Variants in SDK1 observed in about 807,000 individuals in gnomAD.
SDK1 encodes the protein protein sidekick-1.
In SDK1, 157 loss-of-function variants were observed where a neutral mutation model predicts 245.5. The observed-to-expected ratio is 0.64, with a 90% CI of 0.56 to 0.73. SDK1 has a LOEUF of 0.73. Ranked by LOEUF, SDK1 falls within the 30% of genes least tolerant of loss-of-function variation. The pLI is 0.00. For synonymous variants in SDK1, 1,647 were observed against 1,278.5 expected (o/e 1.29, Z -6.15); for missense variants, 3,583 against 3,002.3 (o/e 1.19, Z -4.52).
intron 17 of SDK1, among the ~76,000 whole-genome samples, chr7:4,040,109 C>T (rs6462551): frequency 0.22 from 33,463 of 152,058 alleles, 4,882 homozygotes; most frequent in African/African-American, 0.42. Flanking sequence ...GGAGGAAAGA[C>T]TCAAATCTGT....
At chr7:3,672,340 C>G (rs1376511474) in intron 4 of SDK1, among the ~76,000 whole-genome samples, 1 of 151,810 alleles carries the variant, frequency 6.6e-6, no homozygotes, top group Non-Finnish European at 1.5e-5. Context: ...TACTGCACCC[C>G]CAAGTTCTTG....
chr7:4,221,143 T>A, intron 39 of SDK1, 96 bp from the exon 40 acceptor site: 1 of 1,461,190 alleles, frequency 6.8e-7, no homozygotes, highest in Non-Finnish European at 9.3e-7. Context: ...CTCTGCAGCC[T>A]CGACCGGTCT....
intron 1 of SDK1, among the ~76,000 whole-genome samples, chr7:3,501,786 A>T (rs1057456905): frequency 6.6e-5 from 10 of 152,184 alleles, no homozygotes; most frequent in African/African-American, 2.4e-4. Flanking sequence ...ATGGACTATC[A>T]GTATGTTCTC....
At chr7:4,116,167 G>A (rs1269378064) in intron 25 of SDK1, among the ~76,000 whole-genome samples, 1 of 152,188 alleles carries the variant, frequency 6.6e-6, no homozygotes, top group East Asian at 1.9e-4. Context: ...CAGCCTCTGA[G>A]GACAGCTGGA....
At chr7:3,775,968 C>T (rs1015195253) in intron 4 of SDK1, among the ~76,000 whole-genome samples, 5 of 152,218 alleles carry the variant, frequency 3.3e-5, no homozygotes, top group African/African-American at 9.6e-5. Context: ...ATTCTCGAAA[C>T]GAGTGAATCT....
intron 4 of SDK1, among the ~76,000 whole-genome samples, chr7:3,654,382 G>C (rs1783098943): frequency 6.6e-6 from 1 of 152,196 alleles, no homozygotes; most frequent in Non-Finnish European, 1.5e-5. Context: ...TGAGCTCCCT[G>C]TCACCGCGCT....
chr7:4,129,927 A>T lies in SDK1; in HGVS notation c.3959A>T (p.Asp1320Val). Residue 1320 changes from aspartate (D) to valine (V), a missense_variant, in exon 27 of 45, where the codon GAC becomes GTC. Physicochemically the swap from Asp to Val is radical, Grantham distance 152. Transcript: ENST00000404826. The part of the protein sequence containing the change: ...LGYKILFRAK[D>V]LDPEPRSHIV... ...CCACAGATCCTGTTCCGGGCCAAAG[A>T]CCTGGATCCCGAGCCCAGGAGCCAC... 6.2e-7 allele frequency: 1 copy of T among 1,613,642 alleles called. No homozygotes were observed. Among genetic ancestry groups the T allele is most frequent in the Non-Finnish European group, 8.5e-7 (1 of 1,179,894 alleles).
At chr7:3,641,725 G>A (rs1782653554) in intron 3 of SDK1, among the ~76,000 whole-genome samples, 1 of 152,224 alleles carries the variant, frequency 6.6e-6, no homozygotes, top group Non-Finnish European at 1.5e-5. Context: ...AAGACCATGT[G>A]GCTTTGCTGA....
intron 5 of SDK1, among the ~76,000 whole-genome samples, chr7:3,915,056 T>G (rs766019224): frequency 6.6e-6 from 1 of 152,214 alleles, no homozygotes; most frequent in Non-Finnish European, 1.5e-5. Context: ...CAACTGTTGA[T>G]TATTCTCTTG....
chr7:4,218,561 G>A (rs891696296), intron 38 of SDK1, among the ~76,000 whole-genome samples: 3 of 152,208 alleles, frequency 2.0e-5, no homozygotes, highest in African/African-American at 7.2e-5. Context: ...AGATGGACCC[G>A]TTTTGTAGTA....
At chr7:3,346,310 A>C (rs976657792) in intron 1 of SDK1, among the ~76,000 whole-genome samples, 1 of 151,924 alleles carries the variant, frequency 6.6e-6, no homozygotes, top group East Asian at 1.9e-4. Context: ...CTTCACTGAG[A>C]GGTGTCACCT....
Position 3,651,037 on chromosome 7 carries a change from C to T in SDK1, c.713+8932C>T, listed in dbSNP as rs76750639. Reference sequence around the variant, plus strand: ...CTATAAACATTCTTGTTCCTTTTTTCTGTGCATGAACATAAGACTTCATTG... The same window carrying T: ...CTATAAACATTCTTGTTCCTTTTTTTTGTGCATGAACATAAGACTTCATTG... On this transcript the variant is annotated intron_variant, in intron 4 of 44. Transcript: ENST00000404826. 8.2e-3 allele frequency among the ~76,000 whole-genome samples: 1,244 copies of T among 151,688 alleles called. 24 individuals are homozygous for T. The highest frequency in any genetic ancestry group is 0.029 in the African/African-American group (1,188 of 41,366).
rs184604029 is a variant in SDK1 at position 3,385,062 on chromosome 7, G to T, written c.298+83178G>T. Among the ~76,000 whole-genome samples, 28 of 152,224 alleles carry T rather than the reference G, an allele frequency of 1.8e-4. 1 individual carries two copies. Among genetic ancestry groups the T allele is most frequent in the Admixed American group, 1.8e-3 (27 of 15,298 alleles). On this transcript the variant is annotated intron_variant, in intron 1 of 44. Transcript: ENST00000404826. ...AACATCAAACACAAACAGTTTGTCA[G>T]TACTGTTTCAATATTAAGTCTGTCA...
chr7:4,033,788 G>C (rs1032811728), intron 17 of SDK1, among the ~76,000 whole-genome samples: 1 of 152,128 alleles, frequency 6.6e-6, no homozygotes, highest in Non-Finnish European at 1.5e-5. Flanking sequence ...GCAAAAGTCT[G>C]ACAATACTCT....
chr7:3,466,622 C>T (rs1041092251), intron 1 of SDK1, among the ~76,000 whole-genome samples: 1 of 151,146 alleles, frequency 6.6e-6, no homozygotes, highest in Non-Finnish European at 1.5e-5. Flanking sequence ...GTTCCATATC[C>T]ATGTTTCATG....
chr7:3,537,105 T>C (rs1778910707), intron 1 of SDK1, among the ~76,000 whole-genome samples: 1 of 152,220 alleles, frequency 6.6e-6, no homozygotes, highest in Non-Finnish European at 1.5e-5. Flanking sequence ...AAAATTCCCT[T>C]AAATCCCTGT....
intron 32 of SDK1, among the ~76,000 whole-genome samples, chr7:4,169,152 T>C (rs989232206): frequency 6.6e-6 from 1 of 152,244 alleles, no homozygotes; most frequent in Non-Finnish European, 1.5e-5. Flanking sequence ...AAAGGGCTCC[T>C]GTCAGTGCAT....
chr7:3,348,131 CACAG>C (rs1255131873), intron 1 of SDK1, among the ~76,000 whole-genome samples: 1 of 152,168 alleles, frequency 6.6e-6, no homozygotes, highest in African/African-American at 2.4e-5. Flanking sequence ...ATGTTTACAT[CACAG>C]ACAGCAAAGC....
chr7:3,662,448 A>G (rs1257525295), intron 4 of SDK1, among the ~76,000 whole-genome samples: 1 of 152,138 alleles, frequency 6.6e-6, no homozygotes, highest in Non-Finnish European at 1.5e-5. Flanking sequence ...GAAACCCATG[A>G]CTGTAGACAA....
Sources: allele counts gnomAD v4.1 joint callset (sites outside exome capture counted in the v4.1 genomes callset), GRCh38; gene constraint gnomAD v4.1.1; transcripts MANE v1.5; gene names NCBI Gene and HGNC (gene_info 2026-07-23, HGNC 2026-07-21).